The following LYPD1 variants were observed in gnomAD, a reference collection of about 807,000 sequenced individuals.
LYPD1 encodes the protein LY6/PLAUR domain containing 1, also known as ly6/PLAUR domain-containing protein 1.
Under a neutral mutation model 14.2 loss-of-function variants are expected in LYPD1, and 14 were observed. The ratio of observed to expected loss-of-function variants is 0.99; its 90% confidence interval spans 0.65 to 1.54. The LOEUF (loss-of-function observed/expected upper bound fraction) is 1.54. LYPD1 is among the 40% of genes most tolerant of loss of function. The probability of loss-of-function intolerance (pLI) is 0.00; values close to 1 mark genes in which losing one functional copy is unlikely to be tolerated. For synonymous variants in LYPD1, 85 were observed against 70.6 expected (o/e 1.20, Z -1.02); for missense variants, 165 against 175.7 (o/e 0.94, Z 0.34).
chr2:132,656,845 G>C (rs2104911165), intron 2 of LYPD1, among the ~76,000 whole-genome samples: 1 of 152,278 alleles, frequency 6.6e-6, no homozygotes, highest in African/African-American at 2.4e-5. Context: ...GAAAAAGAAA[G>C]GAAGTGCCAA....
intron 2 of LYPD1, among the ~76,000 whole-genome samples, chr2:132,663,831 C>T (rs1683107718): frequency 6.6e-6 from 1 of 152,094 alleles, no homozygotes; most frequent in South Asian, 2.1e-4. Context: ...CCTGCTACTT[C>T]TAACAAAGTT....
rs764759006 is a variant in LYPD1 at position 132,669,947 on chromosome 2, G to T, written c.-15C>A. The T allele has an allele frequency of 6.2e-7, 1 of 1,611,230 alleles. No individual in the cohort carries two copies. The highest frequency in any genetic ancestry group is 8.5e-7 in the Non-Finnish European group (1 of 1,179,122). ...AGGACCCACATTCTCCCGGAGTCCC[G>T]GGGCCGGGAGAGGGCAAGCGCATCA... On this transcript the variant is annotated 5_prime_UTR_variant, in exon 1 of 3. Coordinates refer to ENST00000397463, the MANE Select transcript of LYPD1 (RefSeq NM_144586.7). The surrounding 1 kb of genome is among the most constrained non-coding windows in gnomAD (Gnocchi z 4.3).
At chr2:132,650,928 G>A (rs1682339957) in intron 2 of LYPD1, among the ~76,000 whole-genome samples, 1 of 152,220 alleles carries the variant, frequency 6.6e-6, no homozygotes, top group Non-Finnish European at 1.5e-5. Flanking sequence ...TTGTGGAGCT[G>A]GGATTTAAGC....
At position 132,669,807 on chromosome 2, in the gene LYPD1, TG is replaced by T; in HGVS notation, c.52+73del. 4 of 1,583,700 alleles carry T rather than the reference TG, an allele frequency of 2.5e-6. No homozygotes were observed. Among genetic ancestry groups the T allele is most frequent in the East Asian group, 2.4e-5 (1 of 42,142 alleles). ...AGGGCTGGCCCCGAGGTGGGCGCCT[TG>T]GGGGCAAAAGGGCTGGCGGGTAGAT... On this transcript the variant is annotated intron_variant, in intron 1 of 2. Transcript: ENST00000397463. This position sits in a 1 kb window ranked among gnomAD's most constrained non-coding sequence, Gnocchi z 4.3.
chr2:132,646,335 G>A lies in LYPD1; in HGVS notation c.191-55C>T, dbSNP rs1424514427. On this transcript the variant is annotated intron_variant, in intron 2 of 2. Coordinates refer to ENST00000397463, the MANE Select transcript of LYPD1 (RefSeq NM_144586.7). The stretch of plus-strand genomic sequence containing the variant: ...AACGTGCACCGGCAAAAGAATAGCT[G>A]TCCCTCTCAGCCCAAATCCAAACGG... 3.2e-6 allele frequency: 4 copies of A among 1,246,542 alleles called. No homozygotes were observed. The East Asian group carries it at 1.1e-4, about 35-fold the overall frequency. The allele number at this position is 1,246,542 out of a possible 1,614,324, so 77.2% of individuals were successfully genotyped here. A position where few individuals can be genotyped will look rare whatever the true frequency, so the allele number is the denominator to read the frequency against.
At chr2:132,647,494 G>A (rs917024941) in intron 2 of LYPD1, among the ~76,000 whole-genome samples, 8 of 152,218 alleles carry the variant, frequency 5.3e-5, no homozygotes, top group African/African-American at 1.7e-4. Context: ...CACCACACCC[G>A]ACTAACTTTT....
In LYPD1 at chr2:132,645,499, C is replaced by CCCCAGT; in HGVS notation, c.*540_*545dup. 1 of 1,613,700 alleles carries CCCCAGT rather than the reference C, an allele frequency of 6.2e-7. No individual in the cohort carries two copies. Among genetic ancestry groups the CCCCAGT allele is most frequent in the African/African-American group, 1.3e-5 (1 of 74,632 alleles). On this transcript the variant is annotated 3_prime_UTR_variant, in exon 3 of 3. Coordinates refer to ENST00000397463, the MANE Select transcript of LYPD1 (RefSeq NM_144586.7). ...AAGCACTTTTCAGAGCGAGGCCGAG[C>CCCCAGT]CCCAGTCTAAGTCCCAGTCATTGAG... is the stretch of plus-strand genomic sequence containing the variant.
chr2:132,668,373 C>T, intron 2 of LYPD1, 27 bp downstream of exon 2: 3 of 1,592,472 alleles, frequency 1.9e-6, no homozygotes, highest in Admixed American at 1.7e-5. Flanking sequence ...GGCTTAAGAG[C>T]GAGGGGGAGG....
chr2:132,645,648 C>G lies in LYPD1; in HGVS notation c.*397G>C. On this transcript the variant is annotated 3_prime_UTR_variant, in exon 3 of 3. Transcript: ENST00000397463. ...CCTTGAGTGGGAACTGGCCCTCCAG[C>G]CCTAAGAAAACGTCACTCTCACTCT... The G allele has an allele frequency of 6.4e-7, 1 of 1,573,362 alleles. No homozygotes were observed. Among genetic ancestry groups the G allele is most frequent in the Non-Finnish European group, 8.6e-7 (1 of 1,161,684 alleles).
Position 132,645,636 on chromosome 2 carries a change from CTGG to C in LYPD1, c.*406_*408del. The stretch of plus-strand genomic sequence containing the variant: ...CAAGCGAGGGAGCCTTGAGTGGGAA[CTGG>C]CCCTCCAGCCCTAAGAAAACGTCAC... On this transcript the variant is annotated 3_prime_UTR_variant, in exon 3 of 3. Coordinates refer to ENST00000397463, the MANE Select transcript of LYPD1 (RefSeq NM_144586.7). 1 of 1,589,814 alleles carries C rather than the reference CTGG, an allele frequency of 6.3e-7. No homozygotes were observed. Among genetic ancestry groups the C allele is most frequent in the South Asian group, 1.2e-5 (1 of 86,578 alleles).
At chr2:132,651,583 T>TCA (rs574403875) in intron 2 of LYPD1, among the ~76,000 whole-genome samples, 55 of 152,278 alleles carry the variant, frequency 3.6e-4, no homozygotes, top group African/African-American at 1.3e-3. Flanking sequence ...CCATGTACCT[T>TCA]CAAAACAAAA....
chr2:132,645,982 G>C lies in LYPD1; in HGVS notation c.*63C>G. ...CACCCAGAAGAAACTCACTCAGGGA[G>C]GTGGGGGGTTGGGGGCGAGGGCTGG... On this transcript the variant is annotated 3_prime_UTR_variant, in exon 3 of 3. Transcript: ENST00000397463. 1.6e-6 allele frequency: 2 copies of C among 1,255,350 alleles called. No homozygotes were observed. The highest frequency in any genetic ancestry group is 1.5e-5 in the South Asian group (1 of 64,702). The allele number at this position is 1,255,350 out of a possible 1,614,324, so 77.8% of individuals were successfully genotyped here.
At chr2:132,647,297 C>CT (rs1391220592) in intron 2 of LYPD1, among the ~76,000 whole-genome samples, 3 of 152,172 alleles carry the variant, frequency 2.0e-5, no homozygotes, top group Admixed American at 6.5e-5. Context: ...GGATTTGAAC[C>CT]CAGCATTCTG....
intron 2 of LYPD1, among the ~76,000 whole-genome samples, chr2:132,649,532 G>A (rs1398207035): frequency 6.6e-6 from 1 of 152,188 alleles, no homozygotes; most frequent in Non-Finnish European, 1.5e-5. Context: ...AATGCTGAGA[G>A]CTGCCCTGTA....
At position 132,660,146 on chromosome 2, in the gene LYPD1, A is replaced by G. The variant is rs554488297; in HGVS notation, c.190+8254T>C. On this transcript the variant is annotated intron_variant, in intron 2 of 2. Transcript: ENST00000397463. Reference sequence around the variant, plus strand: ...GAAGTCCAAGAAATAGAAAAACATAAAAAGCTATTGTCCATGTCCAGTGAG... The same window carrying G: ...GAAGTCCAAGAAATAGAAAAACATAGAAAGCTATTGTCCATGTCCAGTGAG... 2.0e-5 allele frequency among the ~76,000 whole-genome samples: 3 copies of G among 152,358 alleles called. No individual in the cohort carries two copies. In the South Asian group the frequency reaches 6.2e-4, roughly 32 times the overall value.
intron 2 of LYPD1, among the ~76,000 whole-genome samples, chr2:132,665,013 A>T (rs1373852503): frequency 6.6e-6 from 1 of 152,234 alleles, no homozygotes; most frequent in Non-Finnish European, 1.5e-5. Context: ...ATTAGTAAGG[A>T]CAATGAAAGA....
intron 2 of LYPD1, chr2:132,646,659 A>T: frequency 5.9e-6 from 1 of 170,480 alleles, no homozygotes; most frequent in East Asian, 1.6e-4. Flanking sequence ...GCCCACAAGC[A>T]GTGCTTCTAG....
chr2:132,654,423 C>T (rs2709527), intron 2 of LYPD1, among the ~76,000 whole-genome samples: 99,496 of 150,772 alleles, frequency 0.66, 34,083 homozygotes, highest in African/African-American at 0.86. Flanking sequence ...AAAATTGGTA[C>T]GAATGTGGGA....
chr2:132,659,814 A>C (rs1185242326), intron 2 of LYPD1, among the ~76,000 whole-genome samples: 1 of 152,184 alleles, frequency 6.6e-6, no homozygotes, highest in Non-Finnish European at 1.5e-5. Context: ...TGGGTGGCAG[A>C]CTAGTCAACC....
Sources: allele counts gnomAD v4.1 joint callset (sites outside exome capture counted in the v4.1 genomes callset), GRCh38; gene constraint gnomAD v4.1.1; non-coding constraint Gnocchi (gnomAD v3.1); transcripts MANE v1.5; gene names NCBI Gene and HGNC (gene_info 2026-07-23, HGNC 2026-07-21).